EPHA7: variants seen among roughly 807,000 people sequenced by gnomAD.
The protein encoded by EPHA7 is EPH receptor A7, also known as ephrin type-A receptor 7.
Under a neutral mutation model 112.6 loss-of-function variants are expected in EPHA7, and 25 were observed. The observed-to-expected ratio is 0.22, with a 90% CI of 0.16 to 0.31. The LOEUF is 0.31. Among genes scored for constraint, EPHA7 ranks in the 10% least tolerant of loss-of-function variants. EPHA7 has a pLI of 1.00. For synonymous variants in EPHA7, 437 were observed against 406.5 expected, an observed-to-expected ratio of 1.07 and a Z score of -0.90; for missense variants, 962 against 1,212.6, an observed-to-expected ratio of 0.79 and a Z score of 3.07.
chr6:93,260,666 G>T (rs1020902921), intron 9 of EPHA7: 94 of 976,114 alleles, frequency 9.6e-5, no homozygotes, highest in Non-Finnish European at 1.1e-4. Flanking sequence ...AGGAAAATGG[G>T]ATTTAAAAAT....
At chr6:93,369,487 AAAG>A (rs1409086348) in intron 3 of EPHA7, among the ~76,000 whole-genome samples, 4 of 152,218 alleles carry the variant, frequency 2.6e-5, no homozygotes, top group Non-Finnish European at 2.9e-5. Flanking sequence ...CTACATATGT[AAAG>A]AATAACCCTA....
At chr6:93,288,163 A>T (rs1023984467) in intron 5 of EPHA7, among the ~76,000 whole-genome samples, 2 of 152,222 alleles carry the variant, frequency 1.3e-5, no homozygotes, top group African/African-American at 2.4e-5. Flanking sequence ...TATAGCCCAA[A>T]AGTGGAAACA....
At chr6:93,302,864 G>GA (rs1773060226) in intron 5 of EPHA7, among the ~76,000 whole-genome samples, 1 of 151,992 alleles carries the variant, frequency 6.6e-6, no homozygotes, top group South Asian at 2.1e-4. Context: ...TTAAAGCACA[G>GA]AAAAAAGGGA....
intron 5 of EPHA7, among the ~76,000 whole-genome samples, chr6:93,287,565 C>T (rs1329092565): frequency 2.7e-5 from 4 of 150,440 alleles, no homozygotes; most frequent in Non-Finnish European, 4.4e-5. Context: ...TCAAGGGTAC[C>T]TGTGCAGGTA....
At chr6:93,303,640 T>C (rs1266691455) in intron 5 of EPHA7, among the ~76,000 whole-genome samples, 1 of 152,264 alleles carries the variant, frequency 6.6e-6, no homozygotes, top group African/African-American at 2.4e-5. Context: ...CACAATCATA[T>C]GGATCAGCAT....
chr6:93,392,940 G>C (rs1777983326), intron 3 of EPHA7, among the ~76,000 whole-genome samples: 1 of 151,036 alleles, frequency 6.6e-6, no homozygotes, highest in African/African-American at 2.4e-5. Flanking sequence ...TCTTTATTAG[G>C]AATAACAATT....
intron 10 of EPHA7, 63 bp from the exon 11 acceptor site, chr6:93,258,347 T>G: frequency 7.2e-7 from 1 of 1,391,374 alleles, no homozygotes; most frequent in Non-Finnish European, 9.7e-7. Context: ...CTTTTAAGAG[T>G]AAATGCGTTG....
At chr6:93,282,658 A>C (rs1771807939) in intron 5 of EPHA7, among the ~76,000 whole-genome samples, 1 of 151,672 alleles carries the variant, frequency 6.6e-6, no homozygotes. Flanking sequence ...GGAGAGGGGC[A>C]GGCAGGAGCT....
chr6:93,255,164 T>C (rs1235593583), intron 13 of EPHA7, among the ~76,000 whole-genome samples: 1 of 148,254 alleles, frequency 6.7e-6, no homozygotes, highest in Non-Finnish European at 1.5e-5. Flanking sequence ...GCAAACATGG[T>C]GTAAACCCGT....
At chr6:93,371,579 T>C (rs577498945) in intron 3 of EPHA7, among the ~76,000 whole-genome samples, 5 of 152,168 alleles carry the variant, frequency 3.3e-5, no homozygotes, top group Non-Finnish European at 7.4e-5. Context: ...TATTTCAATC[T>C]GAAAGAATTT....
chr6:93,411,674 A>G (rs930362251), intron 2 of EPHA7, among the ~76,000 whole-genome samples: 3 of 152,190 alleles, frequency 2.0e-5, no homozygotes, highest in African/African-American at 7.2e-5. Context: ...GTTGATATTT[A>G]TAATTTGGAA....
intron 1 of EPHA7, among the ~76,000 whole-genome samples, chr6:93,418,816 G>A (rs538275290): frequency 6.6e-6 from 1 of 152,206 alleles, no homozygotes. Flanking sequence ...AGACGGTAGG[G>A]GCTGCATTTC....
intron 5 of EPHA7, among the ~76,000 whole-genome samples, chr6:93,333,395 A>T (rs1041339495): frequency 6.6e-6 from 1 of 151,844 alleles, no homozygotes; most frequent in African/African-American, 2.4e-5. Context: ...TCCTTTCATT[A>T]TATATCCCAT....
intron 3 of EPHA7, among the ~76,000 whole-genome samples, chr6:93,395,390 G>C (rs141482058): frequency 3.0e-4 from 45 of 151,892 alleles, no homozygotes; most frequent in Admixed American, 8.6e-4. Context: ...ACTAGGCACT[G>C]CATTTAGAGA....
At position 93,351,503 on chromosome 6, in the gene EPHA7, C is replaced by T. The variant is rs1040849057; in HGVS notation, c.1324+5214G>A. ...AATTCCTTCCAGATGCTTTCCAGAG[C>T]GTTAAAATAGTTATCACTCTCATTA... On this transcript the variant is annotated intron_variant, in intron 5 of 16. Coordinates refer to ENST00000369303, the MANE Select transcript of EPHA7 (RefSeq NM_004440.4). Among the ~76,000 whole-genome samples, 8 of 151,912 alleles carry T rather than the reference C, an allele frequency of 5.3e-5. No homozygotes were observed. The South Asian group carries it at 6.2e-4, about 12-fold the overall frequency.
chr6:93,292,740 T>C (rs955879215), intron 5 of EPHA7, among the ~76,000 whole-genome samples: 1 of 152,336 alleles, frequency 6.6e-6, no homozygotes, highest in African/African-American at 2.4e-5. Context: ...TTTCATTTTG[T>C]AGTGTAAATA....
At position 93,243,488 on chromosome 6, in the gene EPHA7, T is replaced by A; in HGVS notation, c.2935A>T (p.Ser979Cys). The A allele has an allele frequency of 6.2e-7, 1 of 1,613,626 alleles. No individual in the cohort carries two copies. The highest frequency in any genetic ancestry group is 1.1e-5 in the South Asian group (1 of 91,070). ...TGTGCTCTCATAGTCTGAATGCTGC[T>A]CATGATTTTCTTTTGATGACCAACC... ...TLVGHQKKIM[S>C]SIQTMRAQML... The change falls in exon 17 of 17, where the codon AGC becomes TGC. Residue 979 changes from serine (S) to cysteine (C), a missense_variant. By Grantham distance (112) the Ser-to-Cys change is moderately radical (BLOSUM62 -1). Around this residue, in one of 3 missense-constraint regions of EPHA7, gnomAD observed 746 missense variants for 889.2 expected, o/e 0.84. Coordinates refer to ENST00000369303, the MANE Select transcript of EPHA7 (RefSeq NM_004440.4).
rs1341970057 is a variant in EPHA7, at chr6:93,240,446, A to T, written c.*2980T>A. 1 of 218,404 alleles carries T rather than the reference A, an allele frequency of 4.6e-6. No homozygotes were observed. Among genetic ancestry groups the T allele is most frequent in the Non-Finnish European group, 9.2e-6 (1 of 108,718 alleles). 13.5% of individuals were successfully genotyped at this position (218,404 alleles called of 1,614,324 possible). On this transcript the variant is annotated 3_prime_UTR_variant, in exon 17 of 17. Transcript: ENST00000369303. ...AATATAGTCCTAAACAGTACTAGCT[A>T]ATGTAGATTACATAAGTATACAATA...
intron 5 of EPHA7, among the ~76,000 whole-genome samples, chr6:93,315,846 T>C (rs1443929503): frequency 6.6e-6 from 1 of 152,198 alleles, no homozygotes; most frequent in Non-Finnish European, 1.5e-5. Context: ...TCACTCTCAG[T>C]GTTTGATCCT....
Sources: allele counts gnomAD v4.1 joint callset (sites outside exome capture counted in the v4.1 genomes callset), GRCh38; gene constraint gnomAD v4.1.1; regional missense constraint gnomAD v4.1.1; transcripts MANE v1.5; gene names NCBI Gene and HGNC (gene_info 2026-07-23, HGNC 2026-07-21).